SLC9A1: variants seen among roughly 807,000 people sequenced by gnomAD.
SLC9A1 encodes solute carrier family 9 member A1.
In SLC9A1, 22 loss-of-function variants were observed where a neutral mutation model predicts 67.9. The ratio of observed to expected loss-of-function variants is 0.32; its 90% CI spans 0.23 to 0.46. SLC9A1 has a LOEUF of 0.46. Among genes scored for constraint, SLC9A1 ranks in the 20% least tolerant of loss-of-function variants. The probability of loss-of-function intolerance (pLI) is 1.00; values close to 1 mark genes in which losing one functional copy is unlikely to be tolerated. For synonymous variants in SLC9A1, 421 were observed against 471.8 expected, an observed-to-expected ratio of 0.89 and a Z score of 1.40; for missense variants, 686 against 1,094.8, an observed-to-expected ratio of 0.63 and a Z score of 5.27.
rs2083118144 is a variant in SLC9A1 at position 27,099,025 on chromosome 1, A to T, written c.*1282T>A. 1 of 152,324 alleles carries T rather than the reference A, an allele frequency of 6.6e-6. No individual in the cohort carries two copies. The highest frequency in any genetic ancestry group is 6.6e-5 in the Admixed American group (1 of 15,264). 9.4% of individuals were successfully genotyped at this position (152,324 alleles called of 1,614,324 possible). ...GTCCCCTGCAAAAAGGGACACTCTG[A>T]CTATTGCACAATCCTGGGGGAGTGC... On this transcript the variant is annotated 3_prime_UTR_variant, in exon 12 of 12. Coordinates refer to ENST00000263980, the MANE Select transcript of SLC9A1 (RefSeq NM_003047.5).
intron 1 of SLC9A1, among the ~76,000 whole-genome samples, chr1:27,124,095 C>A (rs1472333107): frequency 6.6e-6 from 1 of 152,138 alleles, no homozygotes; most frequent in African/African-American, 2.4e-5. Context: ...CTATCCCTGG[C>A]CTGTCCTTGC....
At chr1:27,102,909 C>T (rs559762590) in intron 6 of SLC9A1, 166 bp from the exon 7 acceptor site, 43 of 659,930 alleles carry the variant, frequency 6.5e-5, no homozygotes, top group African/African-American at 5.7e-4. Context: ...TCGAACCCAG[C>T]GGCCCTGACT....
chr1:27,129,014 C>T (rs752454), intron 1 of SLC9A1, among the ~76,000 whole-genome samples: 46,229 of 152,054 alleles, frequency 0.3, 7,493 homozygotes, highest in Non-Finnish European at 0.36. Flanking sequence ...ATGCCAGACA[C>T]TCCCGTGCAG....
rs748049158 is a variant in SLC9A1 at position 27,100,598 on chromosome 1, G to A, written c.2157C>T (p.Ile719=). Residue 719 remains isoleucine (I), a synonymous_variant, in exon 12 of 12, where the codon ATC becomes ATT. Coordinates refer to ENST00000263980, the MANE Select transcript of SLC9A1 (RefSeq NM_003047.5). This position sits in a 1 kb window ranked among gnomAD's most constrained non-coding sequence, Gnocchi z 5.6. ...EPKEDLPVIT[I]DPASPQSPES... is the part of the protein sequence containing the mutation. ...CGGGTGACTGCGGGGAAGCCGGGTC[G>A]ATGGTGATGACAGGCAGGTCCTCCT... 7 of 1,613,448 alleles carry A rather than the reference G, an allele frequency of 4.3e-6. No homozygotes were observed. The highest frequency in any genetic ancestry group is 1.3e-5 in the African/African-American group (1 of 75,054).
chr1:27,127,945 G>A (rs2083356909), intron 1 of SLC9A1, among the ~76,000 whole-genome samples: 1 of 152,210 alleles, frequency 6.6e-6, no homozygotes. Flanking sequence ...CTTTGAACAA[G>A]CCGTTGCTTC....
In SLC9A1 at chr1:27,101,294, G is replaced by A. The variant is rs770998648; in HGVS notation, c.2038-19C>T. ...TGTTGATCTGACAGAGAGGACAGAC[G>A]GGGTGAGCACAGGCAGCTGGGCAGA... On this transcript the variant is annotated intron_variant, in intron 10 of 11. Coordinates refer to ENST00000263980, the MANE Select transcript of SLC9A1 (RefSeq NM_003047.5). The surrounding 1 kb of genome is among the most constrained non-coding windows in gnomAD (Gnocchi z 4.9). The A allele has an allele frequency of 1.0e-5, 16 of 1,606,434 alleles. No individual in the cohort carries two copies. The East Asian group carries it at 2.7e-4, about 27-fold the overall frequency.
intron 1 of SLC9A1, among the ~76,000 whole-genome samples, chr1:27,119,396 C>T (rs960003931): frequency 2.0e-5 from 3 of 152,172 alleles, no homozygotes; most frequent in Non-Finnish European, 4.4e-5. Context: ...AGGGCTCTGT[C>T]GCCCTACTTC....
chr1:27,129,423 G>T (rs990695529), intron 1 of SLC9A1, among the ~76,000 whole-genome samples: 1 of 152,210 alleles, frequency 6.6e-6, no homozygotes, highest in Non-Finnish European at 1.5e-5. Flanking sequence ...CATGCTCAGA[G>T]GAGGCTGCCC....
chr1:27,130,245 C>T (rs1049002625), intron 1 of SLC9A1, among the ~76,000 whole-genome samples: 8 of 152,164 alleles, frequency 5.3e-5, no homozygotes, highest in African/African-American at 4.8e-5. Context: ...GGATTACAGG[C>T]GCCCGCCACC....
rs2083247070 is a variant in SLC9A1 at position 27,113,843 on chromosome 1, T to C, written c.796A>G (p.Asn266Asp). 6.2e-7 allele frequency: 1 copy of C among 1,612,844 alleles called. No homozygotes were observed. Among genetic ancestry groups the C allele is most frequent in the Non-Finnish European group, 8.5e-7 (1 of 1,178,962 alleles). ...CTCCTCACCACAGTGACGGCGTCAT[T>C]GAGCAAGGACTCCCCAAAAACAAGG... ...HILVFGESLLNDAVTVVLYHL... is the reference protein window; with the variant it reads ...HILVFGESLLDDAVTVVLYHL... The change falls in exon 2 of 12, where the codon AAT (asparagine) becomes GAT (aspartate). Residue 266 changes from asparagine to aspartate, a missense_variant. This residue lies in a region of SLC9A1 where 13 missense variants were observed against 56.6 expected (regional missense o/e 0.23). Transcript: ENST00000263980.
At chr1:27,143,902 AC>A (rs1169196010) in intron 1 of SLC9A1, among the ~76,000 whole-genome samples, 1 of 152,206 alleles carries the variant, frequency 6.6e-6, no homozygotes, top group Admixed American at 6.5e-5. Flanking sequence ...GATGGACAAG[AC>A]AGTTAACAGT....
At position 27,109,410 on chromosome 1, in the gene SLC9A1, C is replaced by G; in HGVS notation, c.1064+117G>C. On this transcript the variant is annotated intron_variant, in intron 3 of 11. Transcript: ENST00000263980. This position sits in a 1 kb window ranked among gnomAD's most constrained non-coding sequence, Gnocchi z 5.5. ...CTGGAGCCTGGAGTTCATGTCTCAT[C>G]CCTGGAGCTCAAGGCTGGGCCCTGG... The G allele has an allele frequency of 8.9e-7, 1 of 1,126,430 alleles. No individual in the cohort carries two copies. The allele number at this position is 1,126,430 out of a possible 1,614,324, so 69.8% of individuals were successfully genotyped here. A position where few individuals can be genotyped will look rare whatever the true frequency, so the allele number is the denominator to read the frequency against.
chr1:27,102,552 G>C lies in SLC9A1; in HGVS notation c.1653C>G (p.Asn551Lys), dbSNP rs1167038866. The stretch of plus-strand genomic sequence containing the variant: ...TCTTCACATATTTCTTATTAAACCG[G>C]TTGAGCCTGGTGGGAGGAGGAGGGA... Reference protein sequence around the residue: ...YGHHHWKDKLNRFNKKYVKKC... With the variant: ...YGHHHWKDKLKRFNKKYVKKC... Residue 551 changes from asparagine (N) to lysine (K), a missense_variant, in exon 8 of 12, where the codon AAC becomes AAG. This residue lies in a region of SLC9A1 where 168 missense variants were observed against 375.4 expected (regional missense o/e 0.45). Coordinates refer to ENST00000263980, the MANE Select transcript of SLC9A1 (RefSeq NM_003047.5). The C allele has an allele frequency of 6.2e-7, 1 of 1,608,172 alleles. No individual in the cohort carries two copies. Among genetic ancestry groups the C allele is most frequent in the Non-Finnish European group, 8.5e-7 (1 of 1,175,650 alleles).
intron 1 of SLC9A1, among the ~76,000 whole-genome samples, chr1:27,145,288 G>C (rs1443958098): frequency 1.3e-5 from 2 of 152,184 alleles, no homozygotes; most frequent in African/African-American, 4.8e-5. Flanking sequence ...TCTGCCAGGA[G>C]TCCGCCCAGC....
At position 27,146,451 on chromosome 1, in the gene SLC9A1, A is replaced by C. The variant is rs1260643922; in HGVS notation, c.352+7532T>G. ...TACTAAAGTCTTTAAATCTCCCCCA[A>C]TTCAAAATGATTATGGGAAAAATTG... On this transcript the variant is annotated intron_variant, in intron 1 of 11. Transcript: ENST00000263980. Among the ~76,000 whole-genome samples the C allele has an allele frequency of 2.0e-5, 3 of 152,194 alleles. No individual in the cohort carries two copies. In the East Asian group the frequency reaches 5.8e-4, roughly 29 times the overall value.
rs2083187244 is a variant in SLC9A1 at position 27,106,715 on chromosome 1, G to A, written c.1283-628C>T. On this transcript the variant is annotated intron_variant, in intron 4 of 11. Transcript: ENST00000263980. The surrounding 1 kb of genome is among the most constrained non-coding windows in gnomAD (Gnocchi z 4.3). ...AGTGGAACCCATGCACCTGGGGCCTGGTCCCCACGTGTGCCCCGGCCTGCT... is the reference window on the plus strand; with the variant it reads ...AGTGGAACCCATGCACCTGGGGCCTAGTCCCCACGTGTGCCCCGGCCTGCT... Among the ~76,000 whole-genome samples the A allele has an allele frequency of 6.6e-6, 1 of 152,026 alleles. No individual in the cohort carries two copies. The highest frequency in any genetic ancestry group is 1.5e-5 in the Non-Finnish European group (1 of 67,984).
intron 1 of SLC9A1, among the ~76,000 whole-genome samples, chr1:27,126,630 C>A (rs1375409139): frequency 2.0e-5 from 3 of 152,124 alleles, no homozygotes; most frequent in African/African-American, 7.2e-5. Flanking sequence ...CCCCTCCAGA[C>A]CACAAGCAAG....
chr1:27,107,833 T>C lies in SLC9A1; in HGVS notation c.1097A>G (p.Tyr366Cys). 6.2e-7 allele frequency: 1 copy of C among 1,607,432 alleles called. No individual in the cohort carries two copies. The highest frequency in any genetic ancestry group is 8.5e-7 in the Non-Finnish European group (1 of 1,177,700). ...LIASGVVMRP[Y>C]VEANISHKSH... ...CTTGTGGGAGATGTTGGCCTCCACA[T>C]AGGGGCGCATCACCACTCCTGAGGC... Residue 366 changes from tyrosine to cysteine, a missense_variant, in exon 4 of 12, where the codon TAT (tyrosine) becomes TGT (cysteine). Physicochemically the swap from Tyr to Cys is radical, Grantham distance 194 (BLOSUM62 -2). Transcript: ENST00000263980.
At chr1:27,151,814 A>G (rs531043182) in intron 1 of SLC9A1, among the ~76,000 whole-genome samples, 1 of 152,162 alleles carries the variant, frequency 6.6e-6, no homozygotes, top group South Asian at 2.1e-4. Flanking sequence ...TCTTTAGACC[A>G]CCTTTCTCTC....
Sources: allele counts gnomAD v4.1 joint callset (sites outside exome capture counted in the v4.1 genomes callset), GRCh38; gene constraint gnomAD v4.1.1; regional missense constraint gnomAD v4.1.1; non-coding constraint Gnocchi (gnomAD v3.1); transcripts MANE v1.5; gene names NCBI Gene and HGNC (gene_info 2026-07-23, HGNC 2026-07-21).